Variants in NACC1 observed in about 807,000 individuals in gnomAD.
NACC1 encodes the protein nucleus accumbens-associated protein 1.
NACC1 carries 6 observed loss-of-function variants against 41.7 expected under a neutral mutation model. That is an observed-to-expected ratio of 0.14 (90% confidence interval 0.08 to 0.28). The LOEUF (loss-of-function observed/expected upper bound fraction) is 0.28. NACC1 is among the 10% of genes least tolerant of loss of function. The pLI, the probability that NACC1 is intolerant of heterozygous loss-of-function variation, is 1.00. For missense variants in NACC1, 434 were observed against 763.7 expected (o/e 0.57, Z 5.09); for synonymous variants, 338 against 330.6 (o/e 1.02, Z -0.24).
upstream of NACC1, chr19:13,117,115 A>G (rs2019395542): frequency 1.3e-5 from 2 of 152,408 alleles, no homozygotes; most frequent in East Asian, 1.9e-4. Context: ...TTTCTTACCT[A>G]TTAAATGAGA....
chr19:13,137,646 C>T lies in NACC1; in HGVS notation c.1324+71C>T. 7.6e-7 allele frequency: 1 copy of T among 1,322,722 alleles called. No individual in the cohort carries two copies. Among genetic ancestry groups the T allele is most frequent in the Non-Finnish European group, 1.1e-6 (1 of 952,072 alleles). 81.9% of individuals were successfully genotyped at this position (1,322,722 alleles called of 1,614,324 possible). ...GGTTGACGTTTTTTCCCAGCCTTGGCTCTCAGAGAGGGCTAGAGTTCAGTG... is the reference window on the plus strand; with the variant it reads ...GGTTGACGTTTTTTCCCAGCCTTGGTTCTCAGAGAGGGCTAGAGTTCAGTG... On this transcript the variant is annotated intron_variant, in intron 5 of 5. Transcript: ENST00000292431. This position sits in a 1 kb window ranked among gnomAD's most constrained non-coding sequence, Gnocchi z 6.1.
intron 1 of NACC1, among the ~76,000 whole-genome samples, chr19:13,128,012 T>C (rs1420757546): frequency 6.6e-6 from 1 of 151,982 alleles, no homozygotes; most frequent in African/African-American, 2.4e-5. Flanking sequence ...GGGGCCAAGG[T>C]AGTACAAAGT....
chr19:13,122,183 T>C (rs59064237), intron 1 of NACC1, among the ~76,000 whole-genome samples: 14,944 of 152,218 alleles, frequency 0.098, 771 homozygotes, highest in Middle Eastern at 0.2. Flanking sequence ...AGCCTTCTCA[T>C]GTGCTGCCTC....
intron 1 of NACC1, among the ~76,000 whole-genome samples, chr19:13,124,167 G>A (rs1235846099): frequency 6.6e-6 from 1 of 152,214 alleles, no homozygotes; most frequent in East Asian, 1.9e-4. Flanking sequence ...GGGAGGCTGA[G>A]GTGGGCGGAT....
chr19:13,118,337 AGGCCGC>A lies in NACC1; in HGVS notation c.-123_-118del, dbSNP rs1190826197. The A allele has an allele frequency of 1.4e-5, 2 of 146,644 alleles. No homozygotes were observed. Among genetic ancestry groups the A allele is most frequent in the Non-Finnish European group, 3.0e-5 (2 of 65,932 alleles). 9.1% of individuals were successfully genotyped at this position (146,644 alleles called of 1,614,324 possible). Reference sequence around the variant, plus strand: ...GCTGCTGCTGAGGCGGAGGCCGCGGAGGCCGCGGAGGCGGAGGCCGAGGCCCCGGCG... The same window carrying A: ...GCTGCTGCTGAGGCGGAGGCCGCGGAGGAGGCGGAGGCCGAGGCCCCGGCG... On this transcript the variant is annotated 5_prime_UTR_variant, in exon 1 of 6. Coordinates refer to ENST00000292431, the MANE Select transcript of NACC1 (RefSeq NM_052876.4).
chr19:13,133,836 T>A (rs2019665084), intron 1 of NACC1, among the ~76,000 whole-genome samples: 1 of 152,176 alleles, frequency 6.6e-6, no homozygotes, highest in East Asian at 1.9e-4. Context: ...TTTAACCGTT[T>A]GAGGAACCGT....
At chr19:13,133,764 G>A (rs1046323379) in intron 1 of NACC1, among the ~76,000 whole-genome samples, 5 of 152,168 alleles carry the variant, frequency 3.3e-5, no homozygotes, top group African/African-American at 1.2e-4. Flanking sequence ...GCAGGCAAAT[G>A]TTTTCGTTTT....
rs1205009989 is a variant in NACC1, at chr19:13,137,089, A to C, written c.1121-182A>C. Among the ~76,000 whole-genome samples, 1 of 152,204 alleles carries C rather than the reference A, an allele frequency of 6.6e-6. No homozygotes were observed. The highest frequency in any genetic ancestry group is 1.5e-5 in the Non-Finnish European group (1 of 68,020). On this transcript the variant is annotated intron_variant, in intron 3 of 5. Coordinates refer to ENST00000292431, the MANE Select transcript of NACC1 (RefSeq NM_052876.4). The surrounding 1 kb of genome is among the most constrained non-coding windows in gnomAD (Gnocchi z 6.1). ...CACTGATGAGGTTGGGGGAGCCCCA[A>C]GGAGCCTCCCCTGACTGCCCTTGGT...
In NACC1 at chr19:13,137,708, G is replaced by T. The variant is rs1048950334; in HGVS notation, c.1324+133G>T. On this transcript the variant is annotated intron_variant, in intron 5 of 5. Transcript: ENST00000292431. This position sits in a 1 kb window ranked among gnomAD's most constrained non-coding sequence, Gnocchi z 6.1. ...TCTGGGGCTCATTCTAGCCTTGCTG[G>T]GAAACCGGCTGTGATTGCTTAGAGA... 1 of 754,870 alleles carries T rather than the reference G, an allele frequency of 1.3e-6. No individual in the cohort carries two copies. The highest frequency in any genetic ancestry group is 2.1e-6 in the Non-Finnish European group (1 of 475,574). 46.8% of individuals were successfully genotyped at this position (754,870 alleles called of 1,614,324 possible).
intron 1 of NACC1, among the ~76,000 whole-genome samples, chr19:13,122,774 A>C (rs1031464655): frequency 1.3e-5 from 2 of 152,102 alleles, no homozygotes; most frequent in Non-Finnish European, 2.9e-5. Context: ...ATCCCATGAA[A>C]TGTGCGAGGT....
intron 1 of NACC1, among the ~76,000 whole-genome samples, chr19:13,129,232 G>A (rs997115375): frequency 9.9e-5 from 15 of 152,012 alleles, no homozygotes; most frequent in Admixed American, 2.6e-4. Context: ...GATTTGGTGG[G>A]GACTAGAACC....
chr19:13,132,652 G>C (rs1174964918), intron 1 of NACC1, among the ~76,000 whole-genome samples: 2 of 152,118 alleles, frequency 1.3e-5, no homozygotes, highest in African/African-American at 4.8e-5. Context: ...CATTCGCCTG[G>C]GTGTTGTAAG....
upstream of NACC1, chr19:13,117,347 T>C (rs886830575): frequency 2.0e-5 from 3 of 152,212 alleles, no homozygotes; most frequent in African/African-American, 4.8e-5. Context: ...AACTTTTTTT[T>C]ACCATTTGTT....
chr19:13,118,634 G>C (rs1280515112), intron 1 of NACC1, among the ~76,000 whole-genome samples, 180 bp downstream of exon 1: 2 of 151,664 alleles, frequency 1.3e-5, no homozygotes, highest in East Asian at 3.9e-4. Flanking sequence ...TGAGCGTCCA[G>C]CCCGAGCTTC....
intron 1 of NACC1, among the ~76,000 whole-genome samples, chr19:13,123,451 G>A (rs1301113699): frequency 6.6e-6 from 1 of 152,204 alleles, no homozygotes; most frequent in African/African-American, 2.4e-5. Context: ...GAGCGAGTGG[G>A]AGGAGGGAGA....
At chr19:13,126,937 CA>C (rs542592486) in intron 1 of NACC1, among the ~76,000 whole-genome samples, 1 of 151,938 alleles carries the variant, frequency 6.6e-6, no homozygotes, top group African/African-American at 2.4e-5. Context: ...CATGAAGCCC[CA>C]AAAAATGCCC....
chr19:13,122,529 G>T (rs796252763), intron 1 of NACC1, among the ~76,000 whole-genome samples: 6 of 150,988 alleles, frequency 4.0e-5, no homozygotes, highest in East Asian at 3.9e-4. Flanking sequence ...CTGCCGGGGG[G>T]GGGGGGGTGT....
At position 13,135,736 on chromosome 19, in the gene NACC1, C is replaced by T; in HGVS notation, c.529C>T (p.Gln177Ter). The T allele has an allele frequency of 6.4e-7, 1 of 1,558,482 alleles. No individual in the cohort carries two copies. The change falls in exon 2 of 6, where the codon CAG (glutamine) becomes TAG (stop). Residue 177 changes from glutamine (Q) to a stop codon, truncating the protein, a stop_gained. Coordinates refer to ENST00000292431, the MANE Select transcript of NACC1 (RefSeq NM_052876.4). LOFTEE classifies it high-confidence loss of function. ...GGAGCAGCAGGAGTCGGACTCCGTG[C>T]AGTGCATGCCCGTGGCCAAGCGGCT... Reference protein sequence around the residue: ...KTEQQESDSVQCMPVAKRLWD... With the variant: ...KTEQQESDSV
chr19:13,119,853 T>C (rs980041134), intron 1 of NACC1, among the ~76,000 whole-genome samples: 1 of 152,116 alleles, frequency 6.6e-6, no homozygotes, highest in Non-Finnish European at 1.5e-5. Context: ...CATTGATGGC[T>C]CACCACCACC....
Sources: gnomAD v4.1 joint callset for allele counts (sites outside exome capture counted in the v4.1 genomes callset) on GRCh38, gnomAD v4.1.1 for gene constraint, Gnocchi (gnomAD v3.1) non-coding constraint, MANE v1.5 for transcripts, NCBI Gene and HGNC (gene_info 2026-07-23, HGNC 2026-07-21) for gene names.